The following RASSF3 variants were observed in gnomAD, a reference collection of about 807,000 sequenced individuals.
RASSF3 encodes ras association domain-containing protein 3.
RASSF3 carries 19 observed loss-of-function variants against 19.9 expected under a neutral mutation model. The observed-to-expected ratio is 0.96, with a 90% CI of 0.67 to 1.40. RASSF3 has a LOEUF of 1.40. RASSF3 is among the 40% of genes most tolerant of loss of function. The probability of loss-of-function intolerance (pLI) is 0.00; values close to 1 mark genes in which losing one functional copy is unlikely to be tolerated. For synonymous variants in RASSF3, 110 were observed against 104.2 expected, an observed-to-expected ratio of 1.06 and a Z score of -0.34; for missense variants, 306 against 289.8, an observed-to-expected ratio of 1.06 and a Z score of -0.41.
In RASSF3 at chr12:64,625,038, A is replaced by C. The variant is rs116614076; in HGVS notation, c.111+14295A>C. ...CCTTTTCATTTGAGGGTAGTAGACC[A>C]TATGGAGAACTGACAGTGGTTGAGA... On this transcript the variant is annotated intron_variant, in intron 1 of 4. Coordinates refer to ENST00000542104, the MANE Select transcript of RASSF3 (RefSeq NM_178169.4). Among the ~76,000 whole-genome samples, 851 of 152,222 alleles carry C rather than the reference A, an allele frequency of 5.6e-3. 5 individuals are homozygous for C. The highest frequency in any genetic ancestry group is 0.02 in the African/African-American group (831 of 41,532).
At chr12:64,511,669 C>T (rs1162281272) in intron 1 of RASSF3, among the ~76,000 whole-genome samples, 1 of 152,188 alleles carries the variant, frequency 6.6e-6, no homozygotes, top group Non-Finnish European at 1.5e-5. Flanking sequence ...CTTTCACAGC[C>T]TACCTCTTCA....
intron 2 of RASSF3, among the ~76,000 whole-genome samples, chr12:64,551,459 C>T (rs535295782): frequency 6.6e-6 from 1 of 152,120 alleles, no homozygotes; most frequent in South Asian, 2.1e-4. Flanking sequence ...GCCTGTAGTC[C>T]CAGCTACTTA....
chr12:64,684,739 C>A, intron 1 of RASSF3, 48 bp from the exon 2 acceptor site: 1 of 1,393,356 alleles, frequency 7.2e-7, no homozygotes, highest in Non-Finnish European at 1.0e-6. Flanking sequence ...CCTATCCGCA[C>A]TTTTTTTTAT....
At chr12:64,586,370 G>C (rs962788984) in intron 2 of RASSF3, among the ~76,000 whole-genome samples, 13 of 149,850 alleles carry the variant, frequency 8.7e-5, no homozygotes, top group African/African-American at 2.9e-4. Flanking sequence ...TGCACCCGTA[G>C]TCCCACCTAC....
At chr12:64,530,675 C>G (rs1388068534), upstream of RASSF3, among the ~76,000 whole-genome samples, 1 of 152,194 alleles carries the variant, frequency 6.6e-6, no homozygotes, top group Non-Finnish European at 1.5e-5. Flanking sequence ...ACTTTACATT[C>G]TCACCCGCAG....
intron 1 of RASSF3, among the ~76,000 whole-genome samples, chr12:64,660,892 C>T (rs1250537676): frequency 6.6e-6 from 1 of 152,178 alleles, no homozygotes; most frequent in Non-Finnish European, 1.5e-5. Context: ...GGCCCTCTCT[C>T]CCCATCAACT....
chr12:64,628,909 T>G, intron 1 of RASSF3, among the ~76,000 whole-genome samples: 1 of 151,622 alleles, frequency 6.6e-6, no homozygotes, highest in East Asian at 1.9e-4. Flanking sequence ...AATGCCAGAG[T>G]CAGTTGTCTA....
At chr12:64,677,294 A>G (rs1013194658) in intron 1 of RASSF3, among the ~76,000 whole-genome samples, 7 of 152,228 alleles carry the variant, frequency 4.6e-5, no homozygotes, top group African/African-American at 1.7e-4. Flanking sequence ...TCCACTGCAG[A>G]AAATACTGCT....
chr12:64,694,931 T>G lies in RASSF3; in HGVS notation c.*19T>G, dbSNP rs1206218238. ...TGATTAAAGCGGGGCTCCCTGCCCG[T>G]GAGGCCCGGTGCAGGACCGATGTAC... is the stretch of plus-strand genomic sequence containing the variant. On this transcript the variant is annotated 3_prime_UTR_variant, in exon 5 of 5. Coordinates refer to ENST00000542104, the MANE Select transcript of RASSF3 (RefSeq NM_178169.4). 6.2e-7 allele frequency: 1 copy of G among 1,612,622 alleles called. No individual in the cohort carries two copies. The highest frequency in any genetic ancestry group is 1.7e-5 in the Admixed American group (1 of 59,944).
At position 64,684,913 on chromosome 12, in the gene RASSF3, AT is replaced by A; in HGVS notation, c.219+22del. The A allele has an allele frequency of 1.4e-6, 2 of 1,410,854 alleles. No homozygotes were observed. Among genetic ancestry groups the A allele is most frequent in the East Asian group, 2.3e-5 (1 of 43,938 alleles). 87.4% of individuals were successfully genotyped at this position (1,410,854 alleles called of 1,614,324 possible). The stretch of plus-strand genomic sequence containing the variant: ...GACCTTGGTAAGCACTCAAAATACT[AT>A]TTAGGTTGACACCTGTCAAAAGACA... On this transcript the variant is annotated intron_variant, in intron 2 of 4. Transcript: ENST00000542104.
chr12:64,612,600 C>T (rs1477563962), intron 1 of RASSF3, among the ~76,000 whole-genome samples: 3 of 151,622 alleles, frequency 2.0e-5, no homozygotes, highest in South Asian at 4.2e-4. Context: ...CTCAGCTTCC[C>T]GAGTAGCTGA....
At chr12:64,537,760 T>C (rs1868859415) in intron 1 of RASSF3, among the ~76,000 whole-genome samples, 1 of 152,246 alleles carries the variant, frequency 6.6e-6, no homozygotes, top group Non-Finnish European at 1.5e-5. Context: ...CAATACTAGC[T>C]GTCTTTGTTT....
At position 64,597,502 on chromosome 12, in the gene RASSF3, G is replaced by A. The variant is rs187269455; in HGVS notation, c.294+55797G>A. ...GACAGAGTCTCGCTCTATTGCCCAG[G>A]CTGGAGTGCAGTGTCACAATCTCAG... On this transcript the variant is annotated intron_variant, in intron 2 of 5. Coordinates refer to the RASSF3 transcript ENST00000637125. Among the ~76,000 whole-genome samples the A allele has an allele frequency of 5.0e-3, 755 of 150,082 alleles. 4 individuals are homozygous for A. The highest frequency in any genetic ancestry group is 8.2e-3 in the Non-Finnish European group (550 of 67,326).
At position 64,629,746 on chromosome 12, in the gene RASSF3, C is replaced by T. The variant is rs570546179; in HGVS notation, c.111+19003C>T. ...TTGGGAGGCCGAGGTGGGTGGATCACCTGAGGTCAGGAGTTTGAGACCAGC... is the reference window on the plus strand; with the variant it reads ...TTGGGAGGCCGAGGTGGGTGGATCATCTGAGGTCAGGAGTTTGAGACCAGC... On this transcript the variant is annotated intron_variant, in intron 1 of 4. Transcript: ENST00000542104. The T allele has an allele frequency of 4.9e-3, 733 of 151,118 alleles. 2 individuals carry two copies. Among genetic ancestry groups the T allele is most frequent in the Admixed American group, 0.01 (156 of 15,182 alleles). 9.4% of individuals were successfully genotyped at this position (151,118 alleles called of 1,614,324 possible).
intron 2 of RASSF3, among the ~76,000 whole-genome samples, chr12:64,685,330 C>T (rs1370500981): frequency 2.6e-5 from 4 of 152,074 alleles, no homozygotes; most frequent in East Asian, 1.9e-4. Context: ...ACTGCAGCCT[C>T]GACCTCCGGG....
At chr12:64,564,214 C>T (rs1869392371) in intron 2 of RASSF3, among the ~76,000 whole-genome samples, 1 of 152,158 alleles carries the variant, frequency 6.6e-6, no homozygotes, top group Non-Finnish European at 1.5e-5. Flanking sequence ...ACAATATTTG[C>T]TGTTTGACAA....
rs1868379868 is a variant in RASSF3, at chr12:64,696,763, T to C, written c.*1851T>C. The C allele has an allele frequency of 6.6e-6, 1 of 152,222 alleles. No homozygotes were observed. The highest frequency in any genetic ancestry group is 2.1e-4 in the South Asian group (1 of 4,836). 9.4% of individuals were successfully genotyped at this position (152,222 alleles called of 1,614,324 possible). A position where few individuals can be genotyped will look rare whatever the true frequency, so the allele number is the denominator to read the frequency against. ...TAAGGAAAGTTGAAAAAAATAGAAT[T>C]AGCTATAAAATATGTATGGCACATC... is the stretch of plus-strand genomic sequence containing the variant. On this transcript the variant is annotated 3_prime_UTR_variant, in exon 5 of 5. Transcript: ENST00000542104.
chr12:64,518,597 G>T (rs901551725), intron 1 of RASSF3, among the ~76,000 whole-genome samples: 1 of 152,248 alleles, frequency 6.6e-6, no homozygotes, highest in Admixed American at 6.5e-5. Flanking sequence ...TGTGAGATTT[G>T]AAGGGGACAA....
intron 1 of RASSF3, chr12:64,533,549 G>A (rs1868759772): frequency 6.6e-6 from 1 of 152,196 alleles, no homozygotes; most frequent in African/African-American, 2.4e-5. Context: ...TTTATTTCTT[G>A]TAGGCAAACG....
Sources: gnomAD v4.1 joint callset for allele counts (sites outside exome capture counted in the v4.1 genomes callset) on GRCh38, gnomAD v4.1.1 for gene constraint, MANE v1.5 for transcripts, NCBI Gene and HGNC (gene_info 2026-07-23, HGNC 2026-07-21) for gene names.